BRINP1: variants seen among roughly 807,000 people sequenced by gnomAD.
The protein encoded by BRINP1 is BMP/retinoic acid inducible neural specific 1.
A neutral mutation model predicts 72.9 loss-of-function variants in BRINP1; 17 were observed. That is an observed-to-expected ratio of 0.23 (90% CI 0.16 to 0.35). The LOEUF (loss-of-function observed/expected upper bound fraction) is 0.35. BRINP1 is among the 10% of genes least tolerant of loss of function. The pLI, the probability that BRINP1 is intolerant of heterozygous loss-of-function variation, is 1.00. For missense variants in BRINP1, 850 were observed against 1,001.6 expected (o/e 0.85, Z 2.04); for synonymous variants, 418 against 378.5 (o/e 1.10, Z -1.21).
chr9:119,315,638 T>G (rs747395944), intron 1 of BRINP1, among the ~76,000 whole-genome samples: 2 of 152,194 alleles, frequency 1.3e-5, no homozygotes, highest in Non-Finnish European at 2.9e-5. Flanking sequence ...CTAGAAGGCA[T>G]GGCAAAAGGC....
chr9:119,343,724 T>C (rs1831425844), intron 1 of BRINP1, among the ~76,000 whole-genome samples: 1 of 152,188 alleles, frequency 6.6e-6, no homozygotes, highest in Admixed American at 6.5e-5. Flanking sequence ...AGATGCACTA[T>C]CTGCCTGAGG....
chr9:119,256,700 T>C (rs569909636), intron 2 of BRINP1, among the ~76,000 whole-genome samples: 1 of 152,334 alleles, frequency 6.6e-6, no homozygotes, highest in East Asian at 1.9e-4. Context: ...TTTCCTCATC[T>C]GTAAAATGGG....
chr9:119,267,989 T>C (rs149429550), intron 2 of BRINP1, among the ~76,000 whole-genome samples: 4,870 of 152,236 alleles, frequency 0.032, 254 homozygotes, highest in African/African-American at 0.11. Context: ...ATATCTGTAA[T>C]CCCAGCACTT....
At chr9:119,357,941 G>T (rs1011039641) in intron 1 of BRINP1, among the ~76,000 whole-genome samples, 1 of 152,156 alleles carries the variant, frequency 6.6e-6, no homozygotes, top group Admixed American at 6.5e-5. Context: ...GCAATTCAAG[G>T]ACAGAACATA....
intron 1 of BRINP1, among the ~76,000 whole-genome samples, chr9:119,367,063 C>T (rs1831699733): frequency 6.6e-6 from 1 of 151,702 alleles, no homozygotes. Flanking sequence ...TATGTGAAGG[C>T]TTCAGCCTGA....
rs749378122 is a variant in BRINP1 at position 119,313,367 on chromosome 9, G to A, written c.-12C>T. On this transcript the variant is annotated 5_prime_UTR_variant, in exon 2 of 8. Transcript: ENST00000265922. ...AACCTCCAGTTCATGCTTTTCTGCCGGCCTTTTTCCTCTCATTCTTGCTCC... is the reference window on the plus strand; with the variant it reads ...AACCTCCAGTTCATGCTTTTCTGCCAGCCTTTTTCCTCTCATTCTTGCTCC... The A allele has an allele frequency of 3.2e-5, 51 of 1,612,832 alleles. No individual in the cohort carries two copies. The highest frequency in any genetic ancestry group is 3.7e-5 in the Non-Finnish European group (44 of 1,179,874).
At chr9:119,241,446 T>C (rs1004676347) in intron 4 of BRINP1, among the ~76,000 whole-genome samples, 27 of 152,332 alleles carry the variant, frequency 1.8e-4, no homozygotes, top group Middle Eastern at 3.4e-3. Flanking sequence ...ACACAGGCCA[T>C]ACAGCCCACC....
At chr9:119,286,563 A>C (rs1830763103) in intron 2 of BRINP1, among the ~76,000 whole-genome samples, 1 of 152,186 alleles carries the variant, frequency 6.6e-6, no homozygotes, top group Non-Finnish European at 1.5e-5. Context: ...ACAGAGTAAC[A>C]AATTTAACAT....
chr9:119,364,058 A>C (rs912394718), intron 1 of BRINP1, among the ~76,000 whole-genome samples: 7 of 148,624 alleles, frequency 4.7e-5, no homozygotes, highest in African/African-American at 1.7e-4. Context: ...GAAGCCCTAA[A>C]AGTGAGGTAA....
chr9:119,292,818 C>T (rs1420895520), intron 2 of BRINP1, among the ~76,000 whole-genome samples: 1 of 152,122 alleles, frequency 6.6e-6, no homozygotes, highest in African/African-American at 2.4e-5. Flanking sequence ...ATTGTTGCTG[C>T]TTGTATGTTT....
intron 2 of BRINP1, among the ~76,000 whole-genome samples, chr9:119,300,871 A>T (rs1283167775): frequency 6.6e-6 from 1 of 152,134 alleles, no homozygotes; most frequent in African/African-American, 2.4e-5. Context: ...TTCTTTCTTA[A>T]AAGATTCATT....
At chr9:119,229,177 C>G (rs924551336) in intron 5 of BRINP1, among the ~76,000 whole-genome samples, 2 of 152,006 alleles carry the variant, frequency 1.3e-5, no homozygotes, top group African/African-American at 4.8e-5. Flanking sequence ...GTAAGGAACA[C>G]TGCATTTATT....
At chr9:119,345,540 G>C (rs566839749) in intron 1 of BRINP1, among the ~76,000 whole-genome samples, 2 of 152,124 alleles carry the variant, frequency 1.3e-5, no homozygotes, top group Non-Finnish European at 2.9e-5. Flanking sequence ...CTGTTTCATA[G>C]CAATACCCTA....
chr9:119,346,129 G>C (rs1831449376), intron 1 of BRINP1, among the ~76,000 whole-genome samples: 1 of 152,024 alleles, frequency 6.6e-6, no homozygotes, highest in Non-Finnish European at 1.5e-5. Flanking sequence ...AAACAGGCCA[G>C]AATATAAAAA....
intron 5 of BRINP1, among the ~76,000 whole-genome samples, chr9:119,219,351 T>C (rs1200012947): frequency 6.6e-6 from 1 of 152,172 alleles, no homozygotes; most frequent in Non-Finnish European, 1.5e-5. Flanking sequence ...TAAAACATGC[T>C]AAGAATGCAT....
chr9:119,286,679 A>G (rs927364386), intron 2 of BRINP1, among the ~76,000 whole-genome samples: 2 of 152,218 alleles, frequency 1.3e-5, no homozygotes, highest in African/African-American at 2.4e-5. Context: ...GATAATTGAC[A>G]ATATAAGTCT....
At chr9:119,276,848 T>C (rs1830662060) in intron 2 of BRINP1, among the ~76,000 whole-genome samples, 1 of 152,218 alleles carries the variant, frequency 6.6e-6, no homozygotes, top group Non-Finnish European at 1.5e-5. Context: ...TTATTATTAT[T>C]ATTCACATAC....
At chr9:119,201,763 T>C (rs945264938) in intron 7 of BRINP1, among the ~76,000 whole-genome samples, 3 of 152,234 alleles carry the variant, frequency 2.0e-5, no homozygotes, top group Non-Finnish European at 4.4e-5. Flanking sequence ...TATCTTTAAA[T>C]GCCTTTCAGT....
At chr9:119,298,889 C>T (rs898895196) in intron 2 of BRINP1, among the ~76,000 whole-genome samples, 4 of 152,106 alleles carry the variant, frequency 2.6e-5, no homozygotes, top group African/African-American at 9.7e-5. Flanking sequence ...CAGTGATCCA[C>T]CTATGCATTT....
Sources: gnomAD v4.1 joint callset for allele counts (sites outside exome capture counted in the v4.1 genomes callset) on GRCh38, gnomAD v4.1.1 for gene constraint, MANE v1.5 for transcripts, NCBI Gene and HGNC (gene_info 2026-07-23, HGNC 2026-07-21) for gene names.